Variants in NEURL1B observed in about 807,000 individuals in gnomAD.
NEURL1B encodes E3 ubiquitin-protein ligase NEURL1B.
A neutral mutation model predicts 37.4 loss-of-function variants in NEURL1B; 13 were observed. The observed-to-expected ratio is 0.35, with a 90% CI of 0.23 to 0.55. NEURL1B has a LOEUF of 0.55. NEURL1B is among the 20% of genes least tolerant of loss of function. The pLI, the probability that NEURL1B is intolerant of heterozygous loss-of-function variation, is 0.89. For synonymous variants in NEURL1B, 432 were observed against 426.6 expected (o/e 1.01, Z -0.16); for missense variants, 790 against 879.2 (o/e 0.90, Z 1.28).
Position 172,647,757 on chromosome 5 carries a change from T to G in NEURL1B, c.31+6320T>G, listed in dbSNP as rs1757586212. On this transcript the variant is annotated intron_variant, in intron 1 of 4. Coordinates refer to ENST00000369800, the MANE Select transcript of NEURL1B (RefSeq NM_001142651.3). This position sits in a 1 kb window ranked among gnomAD's most constrained non-coding sequence, Gnocchi z 4.2. Reference sequence around the variant, plus strand: ...CCTGTAGACTCTGGAACTCAAAAGCTGGATGTGGCCTCTGGGAATCTTGCC... The same window carrying G: ...CCTGTAGACTCTGGAACTCAAAAGCGGGATGTGGCCTCTGGGAATCTTGCC... Among the ~76,000 whole-genome samples the G allele has an allele frequency of 1.3e-5, 2 of 151,492 alleles. No individual in the cohort carries two copies. Among genetic ancestry groups the G allele is most frequent in the Admixed American group, 1.3e-4 (2 of 15,262 alleles).
In NEURL1B at chr5:172,689,571, G is replaced by A. The variant is rs2113347760; in HGVS notation, c.*2646G>A. The A allele has an allele frequency of 6.6e-6, 1 of 152,344 alleles. No individual in the cohort carries two copies. Among genetic ancestry groups the A allele is most frequent in the African/African-American group, 2.4e-5 (1 of 41,572 alleles). 9.4% of individuals were successfully genotyped at this position (152,344 alleles called of 1,614,324 possible). On this transcript the variant is annotated 3_prime_UTR_variant, in exon 5 of 5. Coordinates refer to ENST00000369800, the MANE Select transcript of NEURL1B (RefSeq NM_001142651.3). The stretch of plus-strand genomic sequence containing the variant: ...TGCTACTTACAATCTATGAAAGCTG[G>A]TGTTATCCCACTTGGCAGGTAAGGA...
At chr5:172,648,759 CT>C (rs1324119911) in intron 1 of NEURL1B, among the ~76,000 whole-genome samples, 44 of 152,368 alleles carry the variant, frequency 2.9e-4, no homozygotes, top group African/African-American at 9.6e-4. Context: ...AGTTCTTTTA[CT>C]TTTCTTTGTC....
At chr5:172,672,457 A>G (rs1758146835) in intron 2 of NEURL1B, among the ~76,000 whole-genome samples, 1 of 152,026 alleles carries the variant, frequency 6.6e-6, no homozygotes, top group African/African-American at 2.4e-5. Flanking sequence ...AATCAGCTCA[A>G]GTGGATTCGG....
intron 1 of NEURL1B, among the ~76,000 whole-genome samples, chr5:172,669,153 G>C (rs924812371): frequency 6.6e-6 from 1 of 152,172 alleles, no homozygotes; most frequent in African/African-American, 2.4e-5. Flanking sequence ...TCTTTCAGCA[G>C]CTGTGTGAGT....
chr5:172,682,223 A>AT (rs1487330624), intron 2 of NEURL1B, among the ~76,000 whole-genome samples: 1 of 152,220 alleles, frequency 6.6e-6, no homozygotes, highest in African/African-American at 2.4e-5. Context: ...TATGAAGAAC[A>AT]TTTTTTCAAA....
Position 172,641,653 on chromosome 5 carries a change from G to C in NEURL1B, c.31+216G>C, listed in dbSNP as rs1757461950. Reference sequence around the variant, plus strand: ...GGTACCGCGTCCTGGTTACCTTGGGGACCCCAGTCCTCATTCTCCCGGCTT... The same window carrying C: ...GGTACCGCGTCCTGGTTACCTTGGGCACCCCAGTCCTCATTCTCCCGGCTT... On this transcript the variant is annotated intron_variant, in intron 1 of 4. Transcript: ENST00000369800. This position sits in a 1 kb window ranked among gnomAD's most constrained non-coding sequence, Gnocchi z 6.4. Among the ~76,000 whole-genome samples, 1 of 152,110 alleles carries C rather than the reference G, an allele frequency of 6.6e-6. No homozygotes were observed. Among genetic ancestry groups the C allele is most frequent in the Non-Finnish European group, 1.5e-5 (1 of 67,990 alleles).
rs1758643676 is a variant in NEURL1B, at chr5:172,691,019, C to T, written c.*4094C>T. On this transcript the variant is annotated 3_prime_UTR_variant, in exon 5 of 5. Transcript: ENST00000369800. ...GGGGCACCGGCTCAGGAACATGCGG[C>T]CTCCTGGCATTTCTCGGTATTTAAC... The T allele has an allele frequency of 6.6e-6, 1 of 152,196 alleles. No individual in the cohort carries two copies. The highest frequency in any genetic ancestry group is 2.1e-4 in the South Asian group (1 of 4,826). 9.4% of individuals were successfully genotyped at this position (152,196 alleles called of 1,614,324 possible).
chr5:172,669,904 C>T lies in NEURL1B; in HGVS notation c.151C>T (p.Arg51Trp). The T allele has an allele frequency of 6.9e-7, 1 of 1,451,700 alleles. No homozygotes were observed. The highest frequency in any genetic ancestry group is 9.0e-7 in the Non-Finnish European group (1 of 1,106,300). 89.9% of individuals were successfully genotyped at this position (1,451,700 alleles called of 1,614,324 possible). Residue 51 changes from arginine to tryptophan, a missense_variant, in exon 2 of 5, where the codon CGG becomes TGG. Arg to Trp is a moderately radical substitution (Grantham distance 101). This residue lies in a region of NEURL1B where 215 missense variants were observed against 309.2 expected (regional missense o/e 0.70). Coordinates refer to ENST00000369800, the MANE Select transcript of NEURL1B (RefSeq NM_001142651.3). ...FHAQAKGKNV[R>W]LDGHSRRATR... The stretch of plus-strand genomic sequence containing the variant: ...CGCGCAGGCCAAAGGCAAGAACGTG[C>T]GGCTGGACGGCCACTCGCGCCGGGC...
chr5:172,679,167 G>A (rs1758298666), intron 2 of NEURL1B, among the ~76,000 whole-genome samples: 1 of 152,272 alleles, frequency 6.6e-6, no homozygotes, highest in African/African-American at 2.4e-5. Flanking sequence ...GCAGCATTGG[G>A]AGGCAGTATT....
rs1030286410 is a variant in NEURL1B at position 172,675,525 on chromosome 5, G to A, written c.577+5195G>A. Among the ~76,000 whole-genome samples, 1 of 152,144 alleles carries A rather than the reference G, an allele frequency of 6.6e-6. No homozygotes were observed. The highest frequency in any genetic ancestry group is 1.5e-5 in the Non-Finnish European group (1 of 68,028). Reference sequence around the variant, plus strand: ...TAGATTTCTCGAGATGCTCCTCAGGGCCAAAGAGAAGGGACTGAGTGCAGG... The same window carrying A: ...TAGATTTCTCGAGATGCTCCTCAGGACCAAAGAGAAGGGACTGAGTGCAGG... On this transcript the variant is annotated intron_variant, in intron 2 of 4. Coordinates refer to ENST00000369800, the MANE Select transcript of NEURL1B (RefSeq NM_001142651.3). The surrounding 1 kb of genome is among the most constrained non-coding windows in gnomAD (Gnocchi z 4.7).
chr5:172,669,070 A>G (rs765848031), intron 1 of NEURL1B, among the ~76,000 whole-genome samples: 4 of 152,164 alleles, frequency 2.6e-5, no homozygotes, highest in Admixed American at 6.5e-5. Flanking sequence ...ATCAGTAATA[A>G]TATCATATTA....
At position 172,686,974 on chromosome 5, in the gene NEURL1B, G is replaced by GC. The variant is rs1189491417; in HGVS notation, c.*54dup. 8.6e-6 allele frequency: 13 copies of GC among 1,513,772 alleles called. No homozygotes were observed. In the African/African-American group the frequency reaches 1.5e-4, roughly 18 times the overall value. 93.8% of individuals were successfully genotyped at this position (1,513,772 alleles called of 1,614,324 possible). On this transcript the variant is annotated 3_prime_UTR_variant, in exon 5 of 5. Coordinates refer to ENST00000369800, the MANE Select transcript of NEURL1B (RefSeq NM_001142651.3). This position sits in a 1 kb window ranked among gnomAD's most constrained non-coding sequence, Gnocchi z 7.9. ...CCGGTGCAAGGTCACCTTTCTGAAG[G>GC]CCCCCTGGGCTGGGCAACCACATGG...
At chr5:172,667,907 G>T (rs1447645174) in intron 1 of NEURL1B, among the ~76,000 whole-genome samples, 5 of 133,510 alleles carry the variant, frequency 3.7e-5, no homozygotes, top group African/African-American at 1.2e-4. Context: ...CACCATTCTG[G>T]CTAACTGGCT....
Position 172,641,394 on chromosome 5 carries a change from G to T in NEURL1B, c.-13G>T. 1 of 1,380,108 alleles carries T rather than the reference G, an allele frequency of 7.2e-7. No individual in the cohort carries two copies. Among genetic ancestry groups the T allele is most frequent in the South Asian group, 1.6e-5 (1 of 61,870 alleles). 85.5% of individuals were successfully genotyped at this position (1,380,108 alleles called of 1,614,324 possible). A position where few individuals can be genotyped will look rare whatever the true frequency, so the allele number is the denominator to read the frequency against. On this transcript the variant is annotated 5_prime_UTR_variant, in exon 1 of 5. Transcript: ENST00000369800. The surrounding 1 kb of genome is among the most constrained non-coding windows in gnomAD (Gnocchi z 6.4). The stretch of plus-strand genomic sequence containing the variant: ...CAGAGCGCGCCGCCGCCAACGCCGC[G>T]CCCGACGCAGCGATGGGCAACACGG...
intron 1 of NEURL1B, among the ~76,000 whole-genome samples, chr5:172,643,725 G>C (rs1202104301): frequency 6.6e-6 from 1 of 152,174 alleles, no homozygotes; most frequent in Non-Finnish European, 1.5e-5. Context: ...GCACAGTCTT[G>C]CCCTGTAGAA....
At position 172,669,810 on chromosome 5, in the gene NEURL1B, G is replaced by A; in HGVS notation, c.57G>A (p.Leu19=). The change falls in exon 2 of 5, where the codon CTG becomes CTA. Residue 19 remains leucine, a synonymous_variant. Transcript: ENST00000369800. ...LPDPSPPARL[L]ATRPCCGPGP... ...ACCCGAGCCCACCGGCGCGCCTCCT[G>A]GCCACCCGGCCGTGCTGCGGCCCCG... 2 of 1,290,010 alleles carry A rather than the reference G, an allele frequency of 1.6e-6. No homozygotes were observed. The highest frequency in any genetic ancestry group is 3.4e-5 in the East Asian group (1 of 29,452). The allele number at this position is 1,290,010 out of a possible 1,614,324, so 79.9% of individuals were successfully genotyped here.
chr5:172,667,714 C>T (rs957645247), intron 1 of NEURL1B, among the ~76,000 whole-genome samples: 2 of 152,214 alleles, frequency 1.3e-5, no homozygotes, highest in African/African-American at 4.8e-5. Context: ...TCCTTGCCAC[C>T]GCCTCCCAGC....
chr5:172,649,358 T>G (rs1246134787), intron 1 of NEURL1B, among the ~76,000 whole-genome samples: 5 of 89,178 alleles, frequency 5.6e-5, no homozygotes, highest in African/African-American at 1.9e-4. Flanking sequence ...TTTTTTTTTT[T>G]TTTTTTTTTT....
rs1758238450 is a variant in NEURL1B, at chr5:172,676,741, A to G, written c.577+6411A>G. Among the ~76,000 whole-genome samples, 1 of 152,254 alleles carries G rather than the reference A, an allele frequency of 6.6e-6. No individual in the cohort carries two copies. Among genetic ancestry groups the G allele is most frequent in the African/African-American group, 2.4e-5 (1 of 41,474 alleles). On this transcript the variant is annotated intron_variant, in intron 2 of 4. Transcript: ENST00000369800. This position sits in a 1 kb window ranked among gnomAD's most constrained non-coding sequence, Gnocchi z 4.5. The stretch of plus-strand genomic sequence containing the variant: ...AGTTACTAGGCACTTACTCTGTGCC[A>G]GGCACAATGCTGAGAGCTTGATGTG...
Sources: allele counts gnomAD v4.1 joint callset (sites outside exome capture counted in the v4.1 genomes callset), GRCh38; gene constraint gnomAD v4.1.1; regional missense constraint gnomAD v4.1.1; non-coding constraint Gnocchi (gnomAD v3.1); transcripts MANE v1.5; gene names NCBI Gene and HGNC (gene_info 2026-07-23, HGNC 2026-07-21).